Variants in ARHGAP24 observed in about 807,000 individuals in gnomAD.
ARHGAP24 encodes rho GTPase-activating protein 24.
In ARHGAP24, 50 loss-of-function variants were observed where a neutral mutation model predicts 76.4. The observed-to-expected ratio is 0.65, with a 90% CI of 0.52 to 0.83. ARHGAP24 has a LOEUF of 0.83. Among genes scored for constraint, ARHGAP24 ranks in the 40% least tolerant of loss-of-function variants. The probability of loss-of-function intolerance (pLI) is 0.00; values close to 1 mark genes in which losing one functional copy is unlikely to be tolerated. For synonymous variants in ARHGAP24, 345 were observed against 323.3 expected, an observed-to-expected ratio of 1.07 and a Z score of -0.72; for missense variants, 930 against 914.2, an observed-to-expected ratio of 1.02 and a Z score of -0.22.
intron 3 of ARHGAP24, among the ~76,000 whole-genome samples, chr4:85,741,473 C>T (rs1725825189): frequency 6.6e-6 from 1 of 152,050 alleles, no homozygotes; most frequent in Non-Finnish European, 1.5e-5. Flanking sequence ...GTTAAACTTC[C>T]AGCTCTCTGA....
chr4:85,803,923 G>A (rs1207170140), intron 3 of ARHGAP24, among the ~76,000 whole-genome samples: 1 of 151,496 alleles, frequency 6.6e-6, no homozygotes, highest in Non-Finnish European at 1.5e-5. Flanking sequence ...TTTATAAATG[G>A]ACAAATTCTT....
intron 3 of ARHGAP24, among the ~76,000 whole-genome samples, chr4:85,748,856 A>G (rs1481778158): frequency 6.6e-6 from 1 of 152,164 alleles, no homozygotes; most frequent in African/African-American, 2.4e-5. Context: ...CAGCCTGAAC[A>G]CTTTACTTGA....
intron 2 of ARHGAP24, among the ~76,000 whole-genome samples, chr4:85,652,369 A>G (rs1436252509): frequency 2.0e-5 from 3 of 152,232 alleles, no homozygotes; most frequent in Non-Finnish European, 4.4e-5. Context: ...AGTATAATTC[A>G]GAAGATGAAA....
At chr4:85,522,511 T>C (rs1369111143) in intron 1 of ARHGAP24, among the ~76,000 whole-genome samples, 2 of 152,170 alleles carry the variant, frequency 1.3e-5, no homozygotes, top group Admixed American at 6.5e-5. Flanking sequence ...AGCAAGGTGT[T>C]GTTATTGCTA....
chr4:85,933,138 C>T (rs1736444103), intron 4 of ARHGAP24, among the ~76,000 whole-genome samples: 1 of 152,080 alleles, frequency 6.6e-6, no homozygotes, highest in African/African-American at 2.4e-5. Flanking sequence ...TTTCTGCGTT[C>T]CTCTCCCAAG....
chr4:85,932,435 C>CT (rs5860009), intron 4 of ARHGAP24, among the ~76,000 whole-genome samples: 18 of 109,056 alleles, frequency 1.7e-4, no homozygotes, highest in East Asian at 1.1e-3. Flanking sequence ...CTTTAAAGGA[C>CT]TTTTTTTTTT....
At chr4:85,667,766 C>T (rs146562164) in intron 2 of ARHGAP24, among the ~76,000 whole-genome samples, 2,445 of 152,214 alleles carry the variant, frequency 0.016, 36 homozygotes, top group Non-Finnish European at 0.024. Flanking sequence ...TTAAAGGTTT[C>T]CATGAAAGCC....
chr4:85,956,557 C>A (rs1011592170), intron 5 of ARHGAP24, among the ~76,000 whole-genome samples: 1 of 152,064 alleles, frequency 6.6e-6, no homozygotes, highest in Non-Finnish European at 1.5e-5. Flanking sequence ...GAATCTTGGT[C>A]CATGCAGTCA....
intron 2 of ARHGAP24, among the ~76,000 whole-genome samples, chr4:85,694,562 A>G (rs1384188471): frequency 6.6e-6 from 1 of 152,156 alleles, no homozygotes; most frequent in Admixed American, 6.5e-5. Flanking sequence ...TATAATCTCT[A>G]AATGACTAGA....
At chr4:85,909,239 A>G (rs1462714419) in intron 3 of ARHGAP24, among the ~76,000 whole-genome samples, 1 of 151,988 alleles carries the variant, frequency 6.6e-6, no homozygotes, top group Non-Finnish European at 1.5e-5. Flanking sequence ...CTTGATTTAA[A>G]CTTGCTTTCA....
Position 86,002,104 on chromosome 4 carries a change from T to G in ARHGAP24, c.*1382T>G, listed in dbSNP as rs1469359809. The G allele has an allele frequency of 6.6e-6, 1 of 152,172 alleles. No homozygotes were observed. Among genetic ancestry groups the G allele is most frequent in the Non-Finnish European group, 1.5e-5 (1 of 68,038 alleles). 9.4% of individuals were successfully genotyped at this position (152,172 alleles called of 1,614,324 possible). On this transcript the variant is annotated 3_prime_UTR_variant, in exon 10 of 10. Transcript: ENST00000395184. ...TTTTGAGAGGCCAGGCAAATAATCT[T>G]TCTCACCGTAGAACAAAAAGTTACA...
At chr4:85,832,537 A>C (rs1055282230) in intron 3 of ARHGAP24, among the ~76,000 whole-genome samples, 12 of 152,192 alleles carry the variant, frequency 7.9e-5, no homozygotes, top group African/African-American at 2.7e-4. Context: ...GGAATAGACT[A>C]CTTAGTATCA....
chr4:85,871,531 C>T (rs1309129179), intron 3 of ARHGAP24, among the ~76,000 whole-genome samples: 3 of 152,042 alleles, frequency 2.0e-5, no homozygotes, highest in Non-Finnish European at 2.9e-5. Flanking sequence ...ACATATTCCA[C>T]GAAACCTAAG....
chr4:85,943,864 G>C (rs1189735453), intron 5 of ARHGAP24, among the ~76,000 whole-genome samples: 1 of 151,550 alleles, frequency 6.6e-6, no homozygotes, highest in Non-Finnish European at 1.5e-5. Context: ...TATCATTGAT[G>C]GGCATTTGGG....
chr4:85,502,695 A>G (rs1378444939), intron 1 of ARHGAP24, among the ~76,000 whole-genome samples: 1 of 152,082 alleles, frequency 6.6e-6, no homozygotes, highest in East Asian at 1.9e-4. Flanking sequence ...TCTTTTCCTA[A>G]TTGAATACCC....
At chr4:85,709,334 A>G (rs968984937) in intron 2 of ARHGAP24, among the ~76,000 whole-genome samples, 10 of 152,168 alleles carry the variant, frequency 6.6e-5, no homozygotes, top group Admixed American at 2.0e-4. Context: ...TATTAATATC[A>G]TAACAGGTTA....
chr4:85,981,313 A>T (rs1460840246), intron 8 of ARHGAP24, among the ~76,000 whole-genome samples: 1 of 152,250 alleles, frequency 6.6e-6, no homozygotes, highest in Non-Finnish European at 1.5e-5. Context: ...GTTGCCATTG[A>T]CAGAATTTAA....
intron 3 of ARHGAP24, among the ~76,000 whole-genome samples, chr4:85,743,423 A>G (rs1373707224): frequency 1.1e-5 from 1 of 88,274 alleles, no homozygotes; most frequent in East Asian, 2.1e-4. Flanking sequence ...AAAAAAAAAA[A>G]AAAAAAAAAA....
intron 3 of ARHGAP24, among the ~76,000 whole-genome samples, chr4:85,873,966 T>C (rs925131628): frequency 6.6e-6 from 1 of 152,210 alleles, no homozygotes; most frequent in Non-Finnish European, 1.5e-5. Flanking sequence ...AACATAATTT[T>C]TAAGATTGGA....
Sources: allele counts gnomAD v4.1 joint callset (sites outside exome capture counted in the v4.1 genomes callset), GRCh38; gene constraint gnomAD v4.1.1; transcripts MANE v1.5; gene names NCBI Gene and HGNC (gene_info 2026-07-23, HGNC 2026-07-21).